ST6GALNAC5: variants seen among roughly 807,000 people sequenced by gnomAD.
ST6GALNAC5 encodes alpha-N-acetylgalactosaminide alpha-2,6-sialyltransferase 5.
In ST6GALNAC5, 27 loss-of-function variants were observed where a neutral mutation model predicts 33.6. The ratio of observed to expected loss-of-function variants is 0.80; its 90% CI spans 0.59 to 1.11. The LOEUF (loss-of-function observed/expected upper bound fraction) is 1.11. ST6GALNAC5 is among the 50% of genes least tolerant of loss of function. ST6GALNAC5 has a pLI of 0.00. For synonymous variants in ST6GALNAC5, 194 were observed against 171.2 expected (o/e 1.13, Z -1.04); for missense variants, 428 against 454.0 (o/e 0.94, Z 0.52).
chr1:76,915,914 T>A (rs1159297884), intron 2 of ST6GALNAC5, among the ~76,000 whole-genome samples: 6 of 124,306 alleles, frequency 4.8e-5, no homozygotes, highest in Non-Finnish European at 1.0e-4. Flanking sequence ...CCTTGGATAA[T>A]AATAATAATA....
At chr1:76,952,718 T>C (rs1037729051) in intron 2 of ST6GALNAC5, among the ~76,000 whole-genome samples, 1 of 151,926 alleles carries the variant, frequency 6.6e-6, no homozygotes, top group Non-Finnish European at 1.5e-5. Context: ...AAATTAAAAA[T>C]AATTGTAGAA....
chr1:77,005,026 C>G (rs1353163655), intron 2 of ST6GALNAC5, among the ~76,000 whole-genome samples: 12 of 151,312 alleles, frequency 7.9e-5, no homozygotes, highest in East Asian at 2.0e-4. Context: ...CCACCCAGTT[C>G]GAGCTTCCTG....
intron 2 of ST6GALNAC5, among the ~76,000 whole-genome samples, chr1:76,964,769 C>T (rs1046700623): frequency 1.3e-5 from 2 of 152,130 alleles, no homozygotes; most frequent in African/African-American, 4.8e-5. Context: ...GACCCCACCC[C>T]ATGACAGGCC....
intron 2 of ST6GALNAC5, among the ~76,000 whole-genome samples, chr1:77,024,916 TAGTC>T (rs1350333068): frequency 2.6e-5 from 4 of 152,186 alleles, no homozygotes; most frequent in Non-Finnish European, 5.9e-5. Context: ...CCACCTTCCT[TAGTC>T]AGCCCCTCAC....
intron 2 of ST6GALNAC5, among the ~76,000 whole-genome samples, chr1:76,947,961 A>G (rs774994553): frequency 1.3e-5 from 2 of 152,062 alleles, no homozygotes; most frequent in Non-Finnish European, 2.9e-5. Context: ...TCATCCTCAG[A>G]TGAGAGGAGC....
chr1:76,882,600 G>A (rs902880030), intron 2 of ST6GALNAC5, among the ~76,000 whole-genome samples: 2 of 152,200 alleles, frequency 1.3e-5, no homozygotes, highest in Admixed American at 1.3e-4. Flanking sequence ...TGTCTGTAGA[G>A]TTCCTGGGAA....
intron 2 of ST6GALNAC5, among the ~76,000 whole-genome samples, chr1:77,005,100 A>T (rs6603932): frequency 4.0e-5 from 6 of 151,678 alleles, no homozygotes; most frequent in South Asian, 4.2e-4. Context: ...CCTCGCTGCC[A>T]CCTTGCAGTT....
At chr1:77,028,017 A>G (rs1651311571) in intron 2 of ST6GALNAC5, among the ~76,000 whole-genome samples, 1 of 152,212 alleles carries the variant, frequency 6.6e-6, no homozygotes, top group African/African-American at 2.4e-5. Context: ...GAGCTGGGCC[A>G]GGGCAGTGGG....
At chr1:76,874,577 G>A (rs755786968) in intron 2 of ST6GALNAC5, among the ~76,000 whole-genome samples, 1 of 152,194 alleles carries the variant, frequency 6.6e-6, no homozygotes, top group Non-Finnish European at 1.5e-5. Flanking sequence ...AGGGCAGGAA[G>A]CGTCCAGCAT....
intron 2 of ST6GALNAC5, among the ~76,000 whole-genome samples, chr1:76,930,231 C>G (rs1382525714): frequency 2.6e-5 from 4 of 152,034 alleles, no homozygotes; most frequent in African/African-American, 9.7e-5. Flanking sequence ...AGTGATAGTA[C>G]CTAACTCAAA....
intron 2 of ST6GALNAC5, among the ~76,000 whole-genome samples, chr1:76,879,581 A>G (rs1653730679): frequency 6.6e-6 from 1 of 152,202 alleles, no homozygotes; most frequent in African/African-American, 2.4e-5. Context: ...CAGGTCTAGA[A>G]GCAAACAGGG....
intron 4 of ST6GALNAC5, among the ~76,000 whole-genome samples, chr1:77,061,494 G>A (rs1428518454): frequency 2.6e-5 from 4 of 152,200 alleles, no homozygotes; most frequent in African/African-American, 9.6e-5. Flanking sequence ...TATACTTAGA[G>A]GAGAGCCCAG....
intron 2 of ST6GALNAC5, among the ~76,000 whole-genome samples, chr1:76,879,692 C>G (rs960934708): frequency 6.6e-6 from 1 of 152,136 alleles, no homozygotes; most frequent in Non-Finnish European, 1.5e-5. Context: ...TTTATGTCCT[C>G]AGACAGATGT....
At chr1:77,049,490 A>G (rs1652146181) in intron 3 of ST6GALNAC5, among the ~76,000 whole-genome samples, 1 of 152,232 alleles carries the variant, frequency 6.6e-6, no homozygotes, top group Non-Finnish European at 1.5e-5. Context: ...ATGTCTCCAC[A>G]GTTATCCTAA....
intron 2 of ST6GALNAC5, among the ~76,000 whole-genome samples, chr1:77,007,309 C>G (rs1650461536): frequency 6.6e-6 from 1 of 152,238 alleles, no homozygotes; most frequent in Non-Finnish European, 1.5e-5. Flanking sequence ...ATAGAGCCCT[C>G]TGAACCACAT....
chr1:76,970,236 G>A (rs1160115009), intron 2 of ST6GALNAC5, among the ~76,000 whole-genome samples: 1 of 151,986 alleles, frequency 6.6e-6, no homozygotes, highest in Non-Finnish European at 1.5e-5. Context: ...GCTTCAGAAG[G>A]TCGGTAATAA....
At chr1:77,008,800 G>C (rs528481631) in intron 2 of ST6GALNAC5, among the ~76,000 whole-genome samples, 2 of 152,292 alleles carry the variant, frequency 1.3e-5, no homozygotes, top group East Asian at 3.9e-4. Flanking sequence ...AAAGTGCTGG[G>C]ATTACAGGCG....
At chr1:77,053,408 A>G (rs1450381520) in intron 4 of ST6GALNAC5, among the ~76,000 whole-genome samples, 15 of 152,204 alleles carry the variant, frequency 9.9e-5, no homozygotes, top group Admixed American at 9.8e-4. Flanking sequence ...AACACAGGAC[A>G]GTAGATATTT....
chr1:76,961,899 GAA>G (rs1446905347), intron 2 of ST6GALNAC5, among the ~76,000 whole-genome samples: 1 of 152,142 alleles, frequency 6.6e-6, no homozygotes, highest in Non-Finnish European at 1.5e-5. Context: ...CATGAATGCA[GAA>G]AAAGAGTTTA....
Sources: gnomAD v4.1 joint callset for allele counts (sites outside exome capture counted in the v4.1 genomes callset) on GRCh38, gnomAD v4.1.1 for gene constraint, MANE v1.5 for transcripts, NCBI Gene and HGNC (gene_info 2026-07-23, HGNC 2026-07-21) for gene names.